Variants in CTSS observed in about 807,000 individuals in gnomAD.
CTSS encodes the protein cathepsin S.
A neutral mutation model predicts 39.9 loss-of-function variants in CTSS; 15 were observed. That is an observed-to-expected ratio of 0.38 (90% CI 0.25 to 0.58). The LOEUF (loss-of-function observed/expected upper bound fraction) is 0.58. CTSS is among the 20% of genes least tolerant of loss of function. The pLI, the probability that CTSS is intolerant of heterozygous loss-of-function variation, is 0.70. For missense variants in CTSS, 250 were observed against 398.2 expected, an observed-to-expected ratio of 0.63 and a Z score of 3.17; for synonymous variants, 126 against 138.2, an observed-to-expected ratio of 0.91 and a Z score of 0.62.
intron 7 of CTSS, among the ~76,000 whole-genome samples, chr1:150,737,265 G>A (rs913001365): frequency 1.3e-5 from 2 of 152,098 alleles, no homozygotes; most frequent in African/African-American, 4.8e-5. Flanking sequence ...ATCATGCCCG[G>A]ATAATTTTGT....
At chr1:150,734,466 C>A (rs1053381675) in intron 7 of CTSS, among the ~76,000 whole-genome samples, 4 of 151,900 alleles carry the variant, frequency 2.6e-5, no homozygotes, top group Admixed American at 2.6e-4. Context: ...CATGGTGAAA[C>A]CCCGTCTCTA....
intron 7 of CTSS, among the ~76,000 whole-genome samples, chr1:150,738,664 C>T (rs1571092625): frequency 6.6e-6 from 1 of 151,598 alleles, no homozygotes; most frequent in Non-Finnish European, 1.5e-5. Context: ...AAAAAAAAAA[C>T]TATCTGTAGA....
chr1:150,749,610 C>T (rs1557811678), intron 6 of CTSS, among the ~76,000 whole-genome samples: 1 of 146,628 alleles, frequency 6.8e-6, no homozygotes, highest in Non-Finnish European at 1.5e-5. Flanking sequence ...TTGCCCTGCC[C>T]TGCCCTGCCC....
intron 7 of CTSS, among the ~76,000 whole-genome samples, chr1:150,742,769 G>A (rs1478590750): frequency 6.6e-6 from 1 of 152,144 alleles, no homozygotes; most frequent in African/African-American, 2.4e-5. Flanking sequence ...AAAAGGCCAA[G>A]ATGATGCTTA....
chr1:150,752,514 A>G (rs1363198111), intron 4 of CTSS, among the ~76,000 whole-genome samples: 1 of 152,230 alleles, frequency 6.6e-6, no homozygotes, highest in Non-Finnish European at 1.5e-5. Flanking sequence ...GGCATAAACA[A>G]ACAAAAAAAG....
At chr1:150,759,664 A>C (rs1244437499) in intron 2 of CTSS, among the ~76,000 whole-genome samples, 2 of 152,128 alleles carry the variant, frequency 1.3e-5, no homozygotes, top group African/African-American at 4.8e-5. Context: ...TTTTATTCAG[A>C]GTGAATTTAC....
At chr1:150,759,036 TTA>T (rs1491426675) in intron 2 of CTSS, among the ~76,000 whole-genome samples, 1,242 of 118,624 alleles carry the variant, frequency 0.01, 15 homozygotes, top group Admixed American at 0.014. Flanking sequence ...TATTTTATTA[TTA>T]TTTTTTTTTT....
intron 7 of CTSS, among the ~76,000 whole-genome samples, chr1:150,742,150 G>A (rs1050841763): frequency 2.0e-5 from 3 of 151,728 alleles, no homozygotes; most frequent in East Asian, 1.9e-4. Context: ...CCATCTACTC[G>A]GGAGGCTGAG....
chr1:150,756,738 C>T (rs368917868), intron 3 of CTSS, among the ~76,000 whole-genome samples: 6 of 129,634 alleles, frequency 4.6e-5, no homozygotes, highest in Admixed American at 2.7e-4. Context: ...TCTTTTGAGA[C>T]GGAGTTTCAC....
chr1:150,741,888 G>C (rs1268468791), intron 7 of CTSS, among the ~76,000 whole-genome samples: 1 of 151,700 alleles, frequency 6.6e-6, no homozygotes, highest in Non-Finnish European at 1.5e-5. Context: ...AAAAAAAGGG[G>C]GGGGGAAGAA....
At chr1:150,759,160 C>T (rs906160782) in intron 2 of CTSS, among the ~76,000 whole-genome samples, 7 of 151,594 alleles carry the variant, frequency 4.6e-5, no homozygotes, top group African/African-American at 1.5e-4. Flanking sequence ...ATGAACCATA[C>T]ACCCAGCCAT....
chr1:150,754,639 G>A (rs1653079305), intron 4 of CTSS, among the ~76,000 whole-genome samples: 1 of 152,068 alleles, frequency 6.6e-6, no homozygotes, highest in Admixed American at 6.6e-5. Flanking sequence ...TGTTGGCCAG[G>A]CTGATCTGGA....
At chr1:150,749,870 G>T in intron 6 of CTSS, 136 bp downstream of exon 6, 3 of 637,218 alleles carry the variant, frequency 4.7e-6, no homozygotes, top group Non-Finnish European at 5.2e-6. Context: ...GCTCAGGCTG[G>T]TGTCAAACTC....
At chr1:150,752,774 T>C (rs1038473864) in intron 4 of CTSS, among the ~76,000 whole-genome samples, 1 of 152,192 alleles carries the variant, frequency 6.6e-6, no homozygotes, top group Non-Finnish European at 1.5e-5. Flanking sequence ...TTAGAGAACC[T>C]CGGGTAAGAA....
intron 7 of CTSS, among the ~76,000 whole-genome samples, chr1:150,741,140 T>C (rs183345008): frequency 6.6e-6 from 1 of 152,184 alleles, no homozygotes. Context: ...TAGTTGATAT[T>C]ACAGGCACAT....
chr1:150,745,851 T>A (rs1652883136), intron 7 of CTSS, among the ~76,000 whole-genome samples: 1 of 152,098 alleles, frequency 6.6e-6, no homozygotes, highest in East Asian at 1.9e-4. Context: ...ACATATTTAA[T>A]TGACAGATTG....
chr1:150,738,155 T>C (rs767406543), intron 7 of CTSS, among the ~76,000 whole-genome samples: 2 of 152,192 alleles, frequency 1.3e-5, no homozygotes, highest in African/African-American at 4.8e-5. Context: ...AGAGGATTGA[T>C]TCCAAGCAAA....
intron 3 of CTSS, among the ~76,000 whole-genome samples, chr1:150,756,248 G>GT (rs985637859): frequency 6.6e-6 from 1 of 152,130 alleles, no homozygotes; most frequent in African/African-American, 2.4e-5. Flanking sequence ...GCAACAACAC[G>GT]TATGGAGCTG....
Position 150,748,635 on chromosome 1 carries a change from C to T in CTSS, c.794-756G>A, listed in dbSNP as rs147666195. Among the ~76,000 whole-genome samples, 553 of 149,880 alleles carry T rather than the reference C, an allele frequency of 3.7e-3. 2 individuals are homozygous for T. The highest frequency in any genetic ancestry group is 6.8e-3 in the Middle Eastern group (2 of 292). On this transcript the variant is annotated intron_variant, in intron 6 of 7. Coordinates refer to ENST00000368985, the MANE Select transcript of CTSS (RefSeq NM_004079.5). ...TTGCTCTGTTGTCTAGGCTGTAATA[C>T]AGGTGGTATGATCATAGCTAATTGT...
Sources: allele counts gnomAD v4.1 joint callset (sites outside exome capture counted in the v4.1 genomes callset), GRCh38; gene constraint gnomAD v4.1.1; transcripts MANE v1.5; gene names NCBI Gene and HGNC (gene_info 2026-07-23, HGNC 2026-07-21).